The following RBFOX1 variants were observed in gnomAD, a reference collection of about 807,000 sequenced individuals.
RBFOX1 encodes RNA binding protein fox-1 homolog 1.
A neutral mutation model predicts 57.7 loss-of-function variants in RBFOX1; 8 were observed. The ratio of observed to expected loss-of-function variants is 0.14; its 90% CI spans 0.08 to 0.25. The LOEUF (loss-of-function observed/expected upper bound fraction) is 0.25. RBFOX1 is among the 10% of genes least tolerant of loss of function. The probability of loss-of-function intolerance (pLI) is 1.00; values close to 1 mark genes in which losing one functional copy is unlikely to be tolerated. For synonymous variants in RBFOX1, 326 were observed against 222.4 expected, an observed-to-expected ratio of 1.47 and a Z score of -4.15; for missense variants, 611 against 548.5, an observed-to-expected ratio of 1.11 and a Z score of -1.14.
intron 2 of RBFOX1, among the ~76,000 whole-genome samples, chr16:5,551,295 T>G (rs1193392494): frequency 6.6e-6 from 1 of 152,192 alleles, no homozygotes; most frequent in Non-Finnish European, 1.5e-5. Context: ...ATCGAACACT[T>G]CAGCATCCAT....
At chr16:7,686,617 C>G (rs2076122274) in intron 14 of RBFOX1, among the ~76,000 whole-genome samples, 1 of 152,124 alleles carries the variant, frequency 6.6e-6, no homozygotes, top group Non-Finnish European at 1.5e-5. Context: ...AATGACTTCA[C>G]ATTTGTTTCT....
intron 2 of RBFOX1, among the ~76,000 whole-genome samples, chr16:6,593,616 A>G (rs1011593216): frequency 3.3e-5 from 5 of 152,154 alleles, no homozygotes; most frequent in Non-Finnish European, 7.3e-5. Context: ...TTTTCAAATT[A>G]TGCTGGTAAT....
At chr16:5,655,483 C>T (rs369594740) in intron 3 of RBFOX1, among the ~76,000 whole-genome samples, 9 of 152,304 alleles carry the variant, frequency 5.9e-5, no homozygotes, top group Admixed American at 5.2e-4. Context: ...GCTGGAAGAA[C>T]ACTGAAGATG....
In RBFOX1 at chr16:7,486,679, T is replaced by C. The variant is rs575116427; in HGVS notation, c.28-31468T>C. Among the ~76,000 whole-genome samples, 22 of 152,230 alleles carry C rather than the reference T, an allele frequency of 1.4e-4. No individual in the cohort carries two copies. In the South Asian group the frequency reaches 3.3e-3, roughly 23 times the overall value. On this transcript the variant is annotated intron_variant, in intron 4 of 15. Coordinates refer to ENST00000550418, the MANE Select transcript of RBFOX1 (RefSeq NM_018723.4). The stretch of plus-strand genomic sequence containing the variant: ...TTGATAGAAGGTATGTGTTATGATC[T>C]GGGTGGTATCTCCTGCCATTTTGGA...
At chr16:6,829,006 C>A (rs147472811) in intron 3 of RBFOX1, among the ~76,000 whole-genome samples, 43 of 152,166 alleles carry the variant, frequency 2.8e-4, no homozygotes, top group Middle Eastern at 6.8e-3. Context: ...TCCACTGTTG[C>A]CTGACTCATC....
At chr16:6,397,421 C>T (rs1324809971) in intron 2 of RBFOX1, among the ~76,000 whole-genome samples, 1 of 150,486 alleles carries the variant, frequency 6.6e-6, no homozygotes, top group South Asian at 2.1e-4. Context: ...GAAATCTGCC[C>T]ACCCAGAATT....
At chr16:6,879,859 T>G (rs1359662300) in intron 3 of RBFOX1, among the ~76,000 whole-genome samples, 1 of 152,238 alleles carries the variant, frequency 6.6e-6, no homozygotes, top group Non-Finnish European at 1.5e-5. Context: ...CATTTTGAAT[T>G]ATCTCATAAA....
intron 3 of RBFOX1, among the ~76,000 whole-genome samples, chr16:5,652,921 C>T (rs1251480377): frequency 6.6e-6 from 1 of 152,186 alleles, no homozygotes; most frequent in African/African-American, 2.4e-5. Context: ...GCATCTTACC[C>T]TTCCTTTCTC....
At chr16:5,683,577 C>T (rs563767030) in intron 3 of RBFOX1, among the ~76,000 whole-genome samples, 74 of 152,018 alleles carry the variant, frequency 4.9e-4, no homozygotes, top group African/African-American at 1.7e-3. Context: ...CTTCCAAGCC[C>T]ACATCTTTCT....
intron 4 of RBFOX1, among the ~76,000 whole-genome samples, chr16:7,302,756 TC>T (rs5815387): frequency 0.7 from 101,889 of 145,638 alleles, 36,596 homozygotes; most frequent in East Asian, 0.94. Flanking sequence ...TTTTTTTTTT[TC>T]CTGTCAGGAC....
intron 4 of RBFOX1, among the ~76,000 whole-genome samples, chr16:7,201,462 T>C (rs925154447): frequency 1.9e-4 from 25 of 129,346 alleles, no homozygotes; most frequent in Middle Eastern, 4.1e-3. Context: ...CTTTTTTTTT[T>C]TTTTCTTTTC....
At chr16:7,036,349 C>T (rs1488668368) in intron 3 of RBFOX1, among the ~76,000 whole-genome samples, 3 of 152,042 alleles carry the variant, frequency 2.0e-5, no homozygotes, top group Non-Finnish European at 2.9e-5. Flanking sequence ...TGGTTTTCTA[C>T]CGCTGTGTTA....
At chr16:6,782,584 A>G (rs2081214767) in intron 3 of RBFOX1, among the ~76,000 whole-genome samples, 1 of 152,128 alleles carries the variant, frequency 6.6e-6, no homozygotes, top group Non-Finnish European at 1.5e-5. Context: ...CATTGTGGTC[A>G]GAAAAGATAC....
At chr16:5,593,413 C>G (rs990784234) in intron 2 of RBFOX1, among the ~76,000 whole-genome samples, 4 of 152,088 alleles carry the variant, frequency 2.6e-5, no homozygotes, top group African/African-American at 9.7e-5. Flanking sequence ...ATGGGTGCAG[C>G]AAACCACCAT....
At chr16:7,306,691 G>C (rs544120001) in intron 4 of RBFOX1, among the ~76,000 whole-genome samples, 13 of 151,984 alleles carry the variant, frequency 8.6e-5, no homozygotes, top group Non-Finnish European at 1.8e-4. Flanking sequence ...AGGTTTTCTA[G>C]CCCTTCCTGG....
chr16:6,231,291 G>A (rs1001135401), intron 1 of RBFOX1, among the ~76,000 whole-genome samples: 18 of 151,406 alleles, frequency 1.2e-4, no homozygotes, highest in Non-Finnish European at 4.4e-5. Context: ...CGAATTTAGT[G>A]TAGGTCTAAG....
chr16:6,951,356 C>G (rs894297639), intron 3 of RBFOX1, among the ~76,000 whole-genome samples: 1 of 152,152 alleles, frequency 6.6e-6, no homozygotes, highest in African/African-American at 2.4e-5. Flanking sequence ...CTGGCTAACT[C>G]TTTCTACCAA....
At chr16:7,501,636 ACT>A (rs2070902400) in intron 4 of RBFOX1, among the ~76,000 whole-genome samples, 9 of 152,172 alleles carry the variant, frequency 5.9e-5, no homozygotes, top group Admixed American at 5.9e-4. Context: ...TGCCACTCAG[ACT>A]ATCAGATATT....
intron 2 of RBFOX1, among the ~76,000 whole-genome samples, chr16:6,619,080 G>A (rs147701604): frequency 7.9e-5 from 12 of 152,072 alleles, no homozygotes; most frequent in African/African-American, 2.9e-4. Context: ...AGAGGGTCAA[G>A]GTTGCATACC....
Sources: gnomAD v4.1 joint callset for allele counts (sites outside exome capture counted in the v4.1 genomes callset) on GRCh38, gnomAD v4.1.1 for gene constraint, MANE v1.5 for transcripts, NCBI Gene and HGNC (gene_info 2026-07-23, HGNC 2026-07-21) for gene names.